POC5: variants seen among roughly 807,000 people sequenced by gnomAD.
POC5 encodes POC5 centriolar protein.
A neutral mutation model predicts 62.9 loss-of-function variants in POC5; 48 were observed. The observed-to-expected ratio is 0.76, with a 90% CI of 0.61 to 0.97. The LOEUF (loss-of-function observed/expected upper bound fraction) is 0.97, where lower values mean the gene tolerates loss of function less well. POC5 is among the 50% of genes least tolerant of loss of function. The pLI is 0.00. For missense variants in POC5, 696 were observed against 679.5 expected (o/e 1.02, Z -0.27); for synonymous variants, 236 against 228.2 (o/e 1.03, Z -0.31).
chr5:75,699,819 C>G (rs1357176955), intron 5 of POC5, among the ~76,000 whole-genome samples: 2 of 144,848 alleles, frequency 1.4e-5, no homozygotes, highest in East Asian at 2.0e-4. Flanking sequence ...CTAGAAAACC[C>G]CATTGTCTCA....
intron 5 of POC5, among the ~76,000 whole-genome samples, chr5:75,696,448 A>T (rs1052357574): frequency 6.6e-6 from 1 of 152,224 alleles, no homozygotes; most frequent in African/African-American, 2.4e-5. Flanking sequence ...CAGCAGAGGC[A>T]GACTGACACC....
intron 9 of POC5, 143 bp downstream of exon 9, chr5:75,688,869 A>G (rs1776201261): frequency 3.6e-6 from 3 of 823,862 alleles, no homozygotes; most frequent in East Asian, 3.0e-5. Flanking sequence ...AAGTCTGGAT[A>G]TGACACCATA....
intron 10 of POC5, among the ~76,000 whole-genome samples, chr5:75,682,484 T>C (rs1775903655): frequency 6.6e-6 from 1 of 151,858 alleles, no homozygotes; most frequent in Non-Finnish European, 1.5e-5. Context: ...GCTGAAAATA[T>C]GTCAGAGTTG....
chr5:75,691,475 A>C (rs989009706), intron 7 of POC5, among the ~76,000 whole-genome samples: 1 of 152,204 alleles, frequency 6.6e-6, no homozygotes, highest in South Asian at 2.1e-4. Flanking sequence ...AATTATTAAA[A>C]ATATTGTATA....
chr5:75,687,211 T>C (rs555820966), intron 9 of POC5, among the ~76,000 whole-genome samples: 2 of 152,186 alleles, frequency 1.3e-5, no homozygotes, highest in Admixed American at 1.3e-4. Flanking sequence ...TTTGTATTTT[T>C]AGTAGAGACG....
intron 5 of POC5, among the ~76,000 whole-genome samples, chr5:75,697,542 G>A (rs1022481187): frequency 6.6e-6 from 1 of 152,056 alleles, no homozygotes. Flanking sequence ...CCCTAAAAGA[G>A]CTCCTGAAGG....
intron 1 of POC5, among the ~76,000 whole-genome samples, 157 bp downstream of exon 1, chr5:75,717,149 G>A (rs934832587): frequency 2.0e-5 from 3 of 152,206 alleles, no homozygotes; most frequent in Non-Finnish European, 1.5e-5. Context: ...GCCTCGGAGG[G>A]GAAACTTTGG....
intron 2 of POC5, chr5:75,712,551 G>T: frequency 8.5e-7 from 1 of 1,174,928 alleles, no homozygotes. Context: ...TTCATGAGAG[G>T]TAGCTAAAAT....
intron 2 of POC5, among the ~76,000 whole-genome samples, chr5:75,708,299 A>G (rs1777206515): frequency 6.6e-6 from 1 of 152,206 alleles, no homozygotes; most frequent in Admixed American, 6.5e-5. Context: ...GTAAGACAAG[A>G]TGGCACCACT....
Position 75,712,868 on chromosome 5 carries a change from A to G in POC5, c.70T>C (p.Ser24Pro). Residue 24 changes from serine (S) to proline (P), a missense_variant, in exon 2 of 12, where the codon TCT (serine) becomes CCT (proline). Physicochemically the swap from Ser to Pro is moderately conservative, Grantham distance 74 (BLOSUM62 -1). Coordinates refer to ENST00000428202, the MANE Select transcript of POC5 (RefSeq NM_001099271.2). ...TTTTTTCCTACCTGAAGATTCGAAG[A>G]GACAGAACTGCCTCGACTGGAGTCA... ...QNDSSRGSSV[S>P]SNLQEEYEEL... is the part of the protein sequence containing the mutation. 6.2e-7 allele frequency: 1 copy of G among 1,610,904 alleles called. No individual in the cohort carries two copies. Among genetic ancestry groups the G allele is most frequent in the Non-Finnish European group, 8.5e-7 (1 of 1,178,414 alleles).
In POC5 at chr5:75,702,657, T is replaced by G; in HGVS notation, c.461A>C (p.Glu154Ala). The G allele has an allele frequency of 6.2e-7, 1 of 1,613,220 alleles. No individual in the cohort carries two copies. The part of the protein sequence containing the change: ...ILVSDFLVSD[E>A]NLQKMENVLD... ...CACATTTTCCATCTTCTGAAGGTTT[T>G]CATCAGAAACAAGAAAATCGCTCAC... The change falls in exon 5 of 12, where the codon GAA (glutamate) becomes GCA (alanine). Residue 154 changes from glutamate to alanine, a missense_variant. Glu to Ala is a moderately radical substitution (Grantham distance 107, BLOSUM62 -1). Coordinates refer to ENST00000428202, the MANE Select transcript of POC5 (RefSeq NM_001099271.2).
rs1217803439 is a variant in POC5, at chr5:75,685,353, G to C, written c.1261C>G (p.Pro421Ala). 2 of 1,613,930 alleles carry C rather than the reference G, an allele frequency of 1.2e-6. No individual in the cohort carries two copies. The highest frequency in any genetic ancestry group is 2.7e-5 in the African/African-American group (2 of 74,950). ...GCGCTGGCTCCTCCGACGGCGGCTG[G>C]TGGGGATGGCAGCAGTGGTGATGTA... ...PVTSPLLPSP[P>A]AAVGGASATA... The change falls in exon 10 of 12, where the codon CCA becomes GCA. Residue 421 changes from proline (P) to alanine (A), a missense_variant. Transcript: ENST00000428202.
At chr5:75,700,304 C>A (rs1171635070) in intron 5 of POC5, among the ~76,000 whole-genome samples, 3 of 151,632 alleles carry the variant, frequency 2.0e-5, no homozygotes, top group African/African-American at 7.3e-5. Context: ...CATCACACTA[C>A]CTGACTTCAA....
chr5:75,715,563 C>T (rs1046403078), intron 1 of POC5, among the ~76,000 whole-genome samples: 21 of 152,086 alleles, frequency 1.4e-4, no homozygotes, highest in African/African-American at 5.1e-4. Context: ...GGGAAATCGC[C>T]CTTATAATCC....
intron 6 of POC5, among the ~76,000 whole-genome samples, chr5:75,692,834 T>C (rs1476645455): frequency 1.3e-5 from 2 of 152,054 alleles, no homozygotes; most frequent in Non-Finnish European, 2.9e-5. Flanking sequence ...ATATACACCA[T>C]GTCTTTATTC....
chr5:75,676,849 T>A (rs2335802), intron 11 of POC5, among the ~76,000 whole-genome samples: 42 of 80,650 alleles, frequency 5.2e-4, no homozygotes, highest in East Asian at 1.8e-3. Flanking sequence ...AAATAAAAAA[T>A]AAATAAATAA....
chr5:75,681,344 A>G (rs1015413236), intron 10 of POC5, among the ~76,000 whole-genome samples: 1 of 152,170 alleles, frequency 6.6e-6, no homozygotes, highest in Admixed American at 6.5e-5. Context: ...GAAAATTAGA[A>G]GAGAAACTTT....
At chr5:75,682,857 C>G (rs999480259) in intron 10 of POC5, among the ~76,000 whole-genome samples, 21 of 152,190 alleles carry the variant, frequency 1.4e-4, no homozygotes, top group African/African-American at 5.1e-4. Context: ...ATAAATTTCT[C>G]TTAGCCATGT....
chr5:75,714,771 CTGGCTACGTAG>C (rs770387518), intron 1 of POC5, among the ~76,000 whole-genome samples: 3 of 152,092 alleles, frequency 2.0e-5, no homozygotes, highest in Non-Finnish European at 4.4e-5. Context: ...TGTGGTCACA[CTGGCTACGTAG>C]TGCGCTACTC....
Sources: allele counts gnomAD v4.1 joint callset (sites outside exome capture counted in the v4.1 genomes callset), GRCh38; gene constraint gnomAD v4.1.1; transcripts MANE v1.5; gene names NCBI Gene and HGNC (gene_info 2026-07-23, HGNC 2026-07-21).